The following TRPM7 variants were observed in gnomAD, a reference collection of about 807,000 sequenced individuals.
The protein encoded by TRPM7 is transient receptor potential cation channel subfamily M member 7.
Under a neutral mutation model 229.7 loss-of-function variants are expected in TRPM7, and 134 were observed. The ratio of observed to expected loss-of-function variants is 0.58; its 90% CI spans 0.51 to 0.67. TRPM7 has a LOEUF of 0.67. Among genes scored for constraint, TRPM7 ranks in the 30% least tolerant of loss-of-function variants. TRPM7 has a pLI of 0.00. For synonymous variants in TRPM7, 699 were observed against 715.2 expected (o/e 0.98, Z 0.36); for missense variants, 1,901 against 2,210.0 (o/e 0.86, Z 2.80).
At chr15:50,653,910 T>C (rs928318470) in intron 3 of TRPM7, among the ~76,000 whole-genome samples, 1 of 152,100 alleles carries the variant, frequency 6.6e-6, no homozygotes, top group Non-Finnish European at 1.5e-5. Context: ...GCAGTTTTAG[T>C]TCAGCGTGAA....
At position 50,609,924 on chromosome 15, in the gene TRPM7, A is replaced by G. The variant is rs1468666232; in HGVS notation, c.2318T>C (p.Leu773Pro). Residue 773 changes from leucine to proline, a missense_variant, in exon 18 of 39, where the codon CTG (leucine) becomes CCG (proline). Leu to Pro is a moderately conservative substitution (Grantham distance 98). Transcript: ENST00000646667. ...LSILVPPAIL[L>P]LEYKTKAEMS... is the part of the protein sequence containing the mutation. ...TTCAGCCTTAGTTTTATACTCTAAC[A>G]GCAATATGGCAGGTGGAACTAAAAT... 1.2e-6 allele frequency: 2 copies of G among 1,610,612 alleles called. No individual in the cohort carries two copies. Among genetic ancestry groups the G allele is most frequent in the Non-Finnish European group, 1.7e-6 (2 of 1,178,324 alleles).
At position 50,614,245 on chromosome 15, in the gene TRPM7, A is replaced by G. The variant is rs1181948790; in HGVS notation, c.1513T>C (p.Tyr505His). The change falls in exon 14 of 39, where the codon TAT (tyrosine) becomes CAT (histidine). Residue 505 changes from tyrosine (Y) to histidine (H), a missense_variant. Coordinates refer to ENST00000646667, the MANE Select transcript of TRPM7 (RefSeq NM_017672.6). ...DVKQGNLPPG[Y>H]KITLIDIGLV... ...CCTATATCAATCAGAGTGATCTTAT[A>G]TCCTGGAGGAAGATTTCCCTAGAAA... 2.5e-6 allele frequency: 4 copies of G among 1,599,386 alleles called. No individual in the cohort carries two copies. The highest frequency in any genetic ancestry group is 1.1e-5 in the South Asian group (1 of 89,520).
At position 50,619,807 on chromosome 15, in the gene TRPM7, A is replaced by G; in HGVS notation, c.1441-9T>C. 6.3e-7 allele frequency: 1 copy of G among 1,595,810 alleles called. No individual in the cohort carries two copies. The highest frequency in any genetic ancestry group is 8.5e-7 in the Non-Finnish European group (1 of 1,174,734). ...TTAGTTGGACCTTGTTTCTTTAGGG[A>G]GAAAAAGTTACAGCAAACTATTATT... On this transcript the variant is annotated splice_polypyrimidine_tract_variant and intron_variant, in intron 12 of 38. Transcript: ENST00000646667.
rs758554637 is a variant in TRPM7, at chr15:50,592,170, T to C, written c.4065A>G (p.Leu1355=). 9 of 1,613,978 alleles carry C rather than the reference T, an allele frequency of 5.6e-6. No homozygotes were observed. The African/African-American group carries it at 9.3e-5, about 17-fold the overall frequency. Residue 1355 remains leucine, a synonymous_variant, in exon 26 of 39, where the codon TTA becomes TTG. Coordinates refer to ENST00000646667, the MANE Select transcript of TRPM7 (RefSeq NM_017672.6). Reference sequence around the variant, plus strand: ...CTGGAGGGGAAACAGCACTTGGGAATAAGGCACCAGAAGAGGAACCAGCCT... The same window carrying C: ...CTGGAGGGGAAACAGCACTTGGGAACAAGGCACCAGAAGAGGAACCAGCCT... ...FPEAGSSSGA[L]FPSAVSPPEL... is the part of the protein sequence containing the mutation.
chr15:50,638,082 G>A (rs905046842), intron 6 of TRPM7, among the ~76,000 whole-genome samples: 19 of 151,832 alleles, frequency 1.3e-4, no homozygotes, highest in African/African-American at 2.9e-4. Flanking sequence ...ATGGGAGGCC[G>A]GGCGCGGTGG....
chr15:50,626,192 A>G (rs2060554061), intron 11 of TRPM7, among the ~76,000 whole-genome samples: 1 of 152,122 alleles, frequency 6.6e-6, no homozygotes, highest in African/African-American at 2.4e-5. Flanking sequence ...TTGAACATTT[A>G]TATACTGAAA....
At chr15:50,587,169 T>C (rs1307317670) in intron 27 of TRPM7, among the ~76,000 whole-genome samples, 3 of 152,136 alleles carry the variant, frequency 2.0e-5, no homozygotes, top group Admixed American at 1.3e-4. Flanking sequence ...ATAACATTAA[T>C]GGTGGGGGAA....
chr15:50,643,590 A>G, intron 4 of TRPM7, 37 bp from the exon 5 acceptor site: 1 of 1,560,284 alleles, frequency 6.4e-7, no homozygotes. Flanking sequence ...ATAATTGAAC[A>G]TGTTCACAGG....
chr15:50,621,169 A>AG (rs1182235862), intron 12 of TRPM7, among the ~76,000 whole-genome samples: 1 of 151,424 alleles, frequency 6.6e-6, no homozygotes, highest in Non-Finnish European at 1.5e-5. Flanking sequence ...AAAAAAAAAA[A>AG]AAAAAAAAAA....
At chr15:50,638,949 GGA>G (rs1272775510) in intron 6 of TRPM7, among the ~76,000 whole-genome samples, 2 of 152,110 alleles carry the variant, frequency 1.3e-5, no homozygotes, top group African/African-American at 4.8e-5. Context: ...CAAAGTGCTG[GGA>G]TTACAGGTGT....
intron 1 of TRPM7, among the ~76,000 whole-genome samples, chr15:50,678,497 T>A (rs1305629127): frequency 3.9e-5 from 4 of 101,918 alleles, no homozygotes; most frequent in Admixed American, 1.4e-4. Context: ...ACTCTCTAGT[T>A]CCATTCTTTA....
chr15:50,624,006 G>C (rs2060491620), intron 12 of TRPM7, among the ~76,000 whole-genome samples, 160 bp downstream of exon 12: 1 of 152,108 alleles, frequency 6.6e-6, no homozygotes, highest in Non-Finnish European at 1.5e-5. Flanking sequence ...AAGGGTTTCA[G>C]ACTGTAATAC....
chr15:50,632,383 C>T (rs150139008), intron 9 of TRPM7, among the ~76,000 whole-genome samples: 1 of 152,232 alleles, frequency 6.6e-6, no homozygotes, highest in East Asian at 1.9e-4. Flanking sequence ...TTTACAAAAA[C>T]TTGCAATGAA....
intron 3 of TRPM7, among the ~76,000 whole-genome samples, chr15:50,656,610 A>G (rs1219682578): frequency 1.3e-5 from 2 of 150,942 alleles, no homozygotes; most frequent in Non-Finnish European, 2.9e-5. Flanking sequence ...TGCTGGGATT[A>G]CAGGCGCGAA....
At chr15:50,676,925 C>G (rs1053151704) in intron 1 of TRPM7, among the ~76,000 whole-genome samples, 1 of 152,212 alleles carries the variant, frequency 6.6e-6, no homozygotes, top group African/African-American at 2.4e-5. Context: ...ATGGGGCAGC[C>G]TCCAGGCAGC....
chr15:50,561,786 C>T lies in TRPM7; in HGVS notation c.5490G>A (p.Thr1830=), dbSNP rs761050196. 3.5e-5 allele frequency: 56 copies of T among 1,608,624 alleles called. No individual in the cohort carries two copies. The highest frequency in any genetic ancestry group is 4.5e-5 in the East Asian group (2 of 44,718). ...CCTGAGGAAATATAATTTTATCAGGCGTATAATCATTCCTCTTCAGATCTA... is the reference window on the plus strand; with the variant it reads ...CCTGAGGAAATATAATTTTATCAGGTGTATAATCATTCCTCTTCAGATCTA... The part of the protein sequence containing the change: ...KLPDLKRNDY[T]PDKIIFPQDE... The change falls in exon 39 of 39, where the codon ACG becomes ACA. Residue 1830 remains threonine (T), a synonymous_variant. Coordinates refer to ENST00000646667, the MANE Select transcript of TRPM7 (RefSeq NM_017672.6).
intron 12 of TRPM7, 116 bp downstream of exon 12, chr15:50,624,050 T>C: frequency 9.3e-7 from 1 of 1,075,766 alleles, no homozygotes; most frequent in Non-Finnish European, 1.3e-6. Flanking sequence ...TATAATTTTT[T>C]CATATAACTA....
At chr15:50,672,010 C>A (rs11070806) in intron 1 of TRPM7, among the ~76,000 whole-genome samples, 1 of 151,976 alleles carries the variant, frequency 6.6e-6, no homozygotes, top group South Asian at 2.1e-4. Flanking sequence ...TACTAGACTA[C>A]GCTTTTTATG....
At chr15:50,579,174 C>T (rs1029879183) in intron 30 of TRPM7, among the ~76,000 whole-genome samples, 20 of 152,146 alleles carry the variant, frequency 1.3e-4, no homozygotes, top group Admixed American at 1.3e-3. Context: ...ACACTGGCAC[C>T]AAATGCAGGT....
Sources: allele counts gnomAD v4.1 joint callset (sites outside exome capture counted in the v4.1 genomes callset), GRCh38; gene constraint gnomAD v4.1.1; transcripts MANE v1.5; gene names NCBI Gene and HGNC (gene_info 2026-07-23, HGNC 2026-07-21).